NET1: variants seen among roughly 807,000 people sequenced by gnomAD.
NET1 encodes neuroepithelial cell transforming 1.
Under a neutral mutation model 61.1 loss-of-function variants are expected in NET1, and 42 were observed. The ratio of observed to expected loss-of-function variants is 0.69; its 90% CI spans 0.54 to 0.89. The LOEUF (loss-of-function observed/expected upper bound fraction) is 0.89, where lower values mean the gene tolerates loss of function less well. NET1 is among the 40% of genes least tolerant of loss of function. NET1 has a pLI of 0.00. For missense variants in NET1, 654 were observed against 747.3 expected (o/e 0.88, Z 1.46); for synonymous variants, 254 against 281.8 (o/e 0.90, Z 0.99).
rs1832448207 is a variant in NET1, at chr10:5,437,044, C to T, written c.255+7815C>T. On this transcript the variant is annotated intron_variant, in intron 3 of 11. Coordinates refer to ENST00000355029, the MANE Select transcript of NET1 (RefSeq NM_001047160.3). The surrounding 1 kb of genome is among the most constrained non-coding windows in gnomAD (Gnocchi z 4.3). The stretch of plus-strand genomic sequence containing the variant: ...TGAGAAGCCATTGAGCAATACAGAG[C>T]TACTTATCTTTAAGCTTAATCATTC... Among the ~76,000 whole-genome samples, 1 of 152,172 alleles carries T rather than the reference C, an allele frequency of 6.6e-6. No individual in the cohort carries two copies. The highest frequency in any genetic ancestry group is 6.5e-5 in the Admixed American group (1 of 15,278).
In NET1 at chr10:5,457,981, G is replaced by A. The variant is rs1832835424; in HGVS notation, c.*987G>A. ...GTTAAAAGAAAAAGAGAGGAAAAGAGAGTAGTTTTGTCTTCAAGTAAAATG... is the reference window on the plus strand; with the variant it reads ...GTTAAAAGAAAAAGAGAGGAAAAGAAAGTAGTTTTGTCTTCAAGTAAAATG... On this transcript the variant is annotated 3_prime_UTR_variant, in exon 12 of 12. Coordinates refer to ENST00000355029, the MANE Select transcript of NET1 (RefSeq NM_001047160.3). This position sits in a 1 kb window ranked among gnomAD's most constrained non-coding sequence, Gnocchi z 5.4. The A allele has an allele frequency of 6.6e-6, 1 of 152,330 alleles. No homozygotes were observed. Among genetic ancestry groups the A allele is most frequent in the Non-Finnish European group, 1.5e-5 (1 of 68,032 alleles). 9.4% of individuals were successfully genotyped at this position (152,330 alleles called of 1,614,324 possible).
rs150547650 is a variant in NET1 at position 5,448,082 on chromosome 10, A to G, written c.256-3748A>G. Among the ~76,000 whole-genome samples the G allele has an allele frequency of 1.2e-3, 180 of 152,364 alleles. 1 individual carries two copies. The highest frequency in any genetic ancestry group is 4.2e-3 in the African/African-American group (173 of 41,594). On this transcript the variant is annotated intron_variant, in intron 3 of 11. Transcript: ENST00000355029. ...ATAACTCGTTTTTATCTTTTTAAAA[A>G]TAACTTTTATTTTCTTTTGATTTTA...
intron 3 of NET1, among the ~76,000 whole-genome samples, chr10:5,442,564 TG>T (rs1269794016): frequency 6.6e-6 from 1 of 152,218 alleles, no homozygotes; most frequent in Non-Finnish European, 1.5e-5. Flanking sequence ...CTAACCAATC[TG>T]TGCCTCAGTT....
Position 5,456,029 on chromosome 10 carries a change from ATTTCAGTC to A in NET1, c.1198-57_1198-50del. 6.8e-7 allele frequency: 1 copy of A among 1,472,634 alleles called. No homozygotes were observed. Among genetic ancestry groups the A allele is most frequent in the African/African-American group, 1.4e-5 (1 of 71,318 alleles). 91.2% of individuals were successfully genotyped at this position (1,472,634 alleles called of 1,614,324 possible). ...TAATGTCGAGTTATTTTAGCAATAT[ATTTCAGTC>A]ACTTAAAAACACAAGTTTCCTATTT... On this transcript the variant is annotated intron_variant, in intron 10 of 11. Transcript: ENST00000355029. This position sits in a 1 kb window ranked among gnomAD's most constrained non-coding sequence, Gnocchi z 7.0.
rs1251912835 is a variant in NET1, at chr10:5,412,684, C to G, written c.-9C>G. On this transcript the variant is annotated 5_prime_UTR_variant, in exon 1 of 12. Coordinates refer to ENST00000355029, the MANE Select transcript of NET1 (RefSeq NM_001047160.3). This position sits in a 1 kb window ranked among gnomAD's most constrained non-coding sequence, Gnocchi z 6.5. ...CACCCGGCCACCGCCCCACCCCCTC[C>G]TCCGTGCCATGGAGCCCGAGCTGGC... The G allele has an allele frequency of 6.8e-7, 1 of 1,468,696 alleles. No individual in the cohort carries two copies. Among genetic ancestry groups the G allele is most frequent in the Non-Finnish European group, 8.9e-7 (1 of 1,120,766 alleles). 91.0% of individuals were successfully genotyped at this position (1,468,696 alleles called of 1,614,324 possible).
Position 5,436,315 on chromosome 10 carries a change from A to G in NET1, c.255+7086A>G, listed in dbSNP as rs560884787. Among the ~76,000 whole-genome samples, 9 of 132,914 alleles carry G rather than the reference A, an allele frequency of 6.8e-5. No individual in the cohort carries two copies. In the East Asian group the frequency reaches 2.0e-3, roughly 30 times the overall value. The allele number at this position is 132,914 out of a possible 152,430, so 87.2% of individuals were successfully genotyped here. On this transcript the variant is annotated intron_variant, in intron 3 of 11. Transcript: ENST00000355029. The stretch of plus-strand genomic sequence containing the variant: ...CTCTTGTTGCCCAGGCTGGAGTGCA[A>G]TGGCTCAATCTCGGTTCACTGCTCA...
rs1003750243 is a variant in NET1 at position 5,455,561 on chromosome 10, C to T, written c.1197+443C>T. Among the ~76,000 whole-genome samples, 3 of 152,086 alleles carry T rather than the reference C, an allele frequency of 2.0e-5. No individual in the cohort carries two copies. The highest frequency in any genetic ancestry group is 1.9e-4 in the East Asian group (1 of 5,186). ...TACCTGCTAGAACTAAGTGCAGTCACGGAATGGTATTTTTGTTTCATCATG... is the reference window on the plus strand; with the variant it reads ...TACCTGCTAGAACTAAGTGCAGTCATGGAATGGTATTTTTGTTTCATCATG... On this transcript the variant is annotated intron_variant, in intron 10 of 11. Transcript: ENST00000355029. The surrounding 1 kb of genome is among the most constrained non-coding windows in gnomAD (Gnocchi z 6.5).
rs901333590 is a variant in NET1 at position 5,437,321 on chromosome 10, T to G, written c.255+8092T>G. On this transcript the variant is annotated intron_variant, in intron 3 of 11. Coordinates refer to ENST00000355029, the MANE Select transcript of NET1 (RefSeq NM_001047160.3). This position sits in a 1 kb window ranked among gnomAD's most constrained non-coding sequence, Gnocchi z 4.3. Reference sequence around the variant, plus strand: ...TAGCTTGCTTTTTTTAATTTATGTTTTATTGGTACATATAAAGCAGGCTCC... The same window carrying G: ...TAGCTTGCTTTTTTTAATTTATGTTGTATTGGTACATATAAAGCAGGCTCC... Among the ~76,000 whole-genome samples, 10 of 152,198 alleles carry G rather than the reference T, an allele frequency of 6.6e-5. No homozygotes were observed. Among genetic ancestry groups the G allele is most frequent in the Admixed American group, 3.9e-4 (6 of 15,280 alleles).
rs560293037 is a variant in NET1 at position 5,441,186 on chromosome 10, C to T, written c.256-10644C>T. Among the ~76,000 whole-genome samples, 1 of 152,368 alleles carries T rather than the reference C, an allele frequency of 6.6e-6. No individual in the cohort carries two copies. Among genetic ancestry groups the T allele is most frequent in the East Asian group, 1.9e-4 (1 of 5,192 alleles). On this transcript the variant is annotated intron_variant, in intron 3 of 11. Coordinates refer to ENST00000355029, the MANE Select transcript of NET1 (RefSeq NM_001047160.3). This position sits in a 1 kb window ranked among gnomAD's most constrained non-coding sequence, Gnocchi z 4.6. The stretch of plus-strand genomic sequence containing the variant: ...ACTGAAGAGGGGAGCTTTTATCCTG[C>T]AGCTTCTGTGCTCCGTTAGTCAACA...
chr10:5,452,979 C>A lies in NET1; in HGVS notation c.594+59C>A. 8.6e-7 allele frequency: 1 copy of A among 1,163,218 alleles called. No homozygotes were observed. The highest frequency in any genetic ancestry group is 1.3e-6 in the Non-Finnish European group (1 of 776,482). The allele number at this position is 1,163,218 out of a possible 1,614,324, so 72.1% of individuals were successfully genotyped here. On this transcript the variant is annotated intron_variant, in intron 6 of 11. Coordinates refer to ENST00000355029, the MANE Select transcript of NET1 (RefSeq NM_001047160.3). This position sits in a 1 kb window ranked among gnomAD's most constrained non-coding sequence, Gnocchi z 4.0. ...TTTTAAAAATTACATTTCACAAAAT[C>A]TAAAGGATAGTTTTCTTAACCTTTA...
Position 5,429,157 on chromosome 10 carries a change from A to C in NET1, c.196-13A>C. On this transcript the variant is annotated splice_polypyrimidine_tract_variant and intron_variant, in intron 2 of 11. Transcript: ENST00000355029. The stretch of plus-strand genomic sequence containing the variant: ...CCTTTTATATGAGAATGAAATCTCT[A>C]TTTTTCTTTTAGAAAAGAAAACGCA... 1 of 1,588,496 alleles carries C rather than the reference A, an allele frequency of 6.3e-7. No individual in the cohort carries two copies. Among genetic ancestry groups the C allele is most frequent in the South Asian group, 1.1e-5 (1 of 89,136 alleles).
intron 1 of NET1, among the ~76,000 whole-genome samples, chr10:5,414,133 T>C (rs1177064272): frequency 6.6e-6 from 1 of 152,122 alleles, no homozygotes; most frequent in Admixed American, 6.5e-5. Context: ...ATATATTCTA[T>C]TTTATTACTA....
At chr10:5,414,569 G>C (rs1271345891) in intron 1 of NET1, among the ~76,000 whole-genome samples, 1 of 152,162 alleles carries the variant, frequency 6.6e-6, no homozygotes, top group Non-Finnish European at 1.5e-5. Flanking sequence ...ATGATTGTTC[G>C]AATCTGATAG....
At position 5,456,576 on chromosome 10, in the gene NET1, T is replaced by TC. The variant is rs1832802909; in HGVS notation, c.1385-12_1385-11insC. On this transcript the variant is annotated splice_polypyrimidine_tract_variant and intron_variant, in intron 11 of 11. Transcript: ENST00000355029. The surrounding 1 kb of genome is among the most constrained non-coding windows in gnomAD (Gnocchi z 7.0). ...GCCTGATTTCTTTTTTTTTTCCAAT[T>TC]TTTTTTTTCAGCTAAAAATATCTTT... The TC allele has an allele frequency of 2.0e-6, 3 of 1,515,966 alleles. No individual in the cohort carries two copies. The highest frequency in any genetic ancestry group is 2.6e-6 in the Non-Finnish European group (3 of 1,132,760). The allele number at this position is 1,515,966 out of a possible 1,614,324, so 93.9% of individuals were successfully genotyped here. A position where few individuals can be genotyped will look rare whatever the true frequency, so the allele number is the denominator to read the frequency against.
chr10:5,444,370 C>A lies in NET1; in HGVS notation c.256-7460C>A, dbSNP rs1480239703. Among the ~76,000 whole-genome samples, 1 of 152,184 alleles carries A rather than the reference C, an allele frequency of 6.6e-6. No homozygotes were observed. Among genetic ancestry groups the A allele is most frequent in the East Asian group, 1.9e-4 (1 of 5,200 alleles). On this transcript the variant is annotated intron_variant, in intron 3 of 11. Transcript: ENST00000355029. The surrounding 1 kb of genome is among the most constrained non-coding windows in gnomAD (Gnocchi z 5.3). ...CAAGAAGTAGCAACTCTCCTGCAAA[C>A]CTTAGGCAATTACTTTTTATAGATT...
At position 5,456,433 on chromosome 10, in the gene NET1, T is replaced by G. The variant is rs1588442394; in HGVS notation, c.1385-155T>G. On this transcript the variant is annotated intron_variant, in intron 11 of 11. Transcript: ENST00000355029. The surrounding 1 kb of genome is among the most constrained non-coding windows in gnomAD (Gnocchi z 7.0). Reference sequence around the variant, plus strand: ...CCTTCCCAGCTCGAACACCCGCAGGTGTATCTAAGAAATAATGCATAGGCT... The same window carrying G: ...CCTTCCCAGCTCGAACACCCGCAGGGGTATCTAAGAAATAATGCATAGGCT... The G allele has an allele frequency of 9.9e-7, 1 of 1,007,198 alleles. No homozygotes were observed. The highest frequency in any genetic ancestry group is 1.4e-6 in the Non-Finnish European group (1 of 703,728). The allele number at this position is 1,007,198 out of a possible 1,614,324, so 62.4% of individuals were successfully genotyped here.
In NET1 at chr10:5,443,252, C is replaced by A. The variant is rs185556883; in HGVS notation, c.256-8578C>A. Among the ~76,000 whole-genome samples the A allele has an allele frequency of 1.9e-3, 296 of 152,270 alleles. 2 individuals carry two copies. Among genetic ancestry groups the A allele is most frequent in the African/African-American group, 7.0e-3 (289 of 41,542 alleles). On this transcript the variant is annotated intron_variant, in intron 3 of 11. Coordinates refer to ENST00000355029, the MANE Select transcript of NET1 (RefSeq NM_001047160.3). This position sits in a 1 kb window ranked among gnomAD's most constrained non-coding sequence, Gnocchi z 4.8. ...TGTTAAGCCACTGATTAACAAGGTA[C>A]CTTTGGACAAGTTTCTTAAACTTGG...
intron 3 of NET1, among the ~76,000 whole-genome samples, chr10:5,438,658 T>G (rs1832475702): frequency 1.3e-5 from 2 of 152,182 alleles, no homozygotes; most frequent in Non-Finnish European, 2.9e-5. Context: ...CTACCAAACA[T>G]TTAGAAAAGA....
chr10:5,449,583 A>G lies in NET1; in HGVS notation c.256-2247A>G, dbSNP rs1832671906. The stretch of plus-strand genomic sequence containing the variant: ...CAACAAAACCCGTGTTCGTTTCAGA[A>G]GTATGCTTTAGATATATTTACATTC... On this transcript the variant is annotated intron_variant, in intron 3 of 11. Coordinates refer to ENST00000355029, the MANE Select transcript of NET1 (RefSeq NM_001047160.3). The surrounding 1 kb of genome is among the most constrained non-coding windows in gnomAD (Gnocchi z 4.4). Among the ~76,000 whole-genome samples the G allele has an allele frequency of 2.0e-5, 3 of 152,244 alleles. No homozygotes were observed. The South Asian group carries it at 6.2e-4, about 32-fold the overall frequency.
Sources: gnomAD v4.1 joint callset for allele counts (sites outside exome capture counted in the v4.1 genomes callset) on GRCh38, gnomAD v4.1.1 for gene constraint, Gnocchi (gnomAD v3.1) non-coding constraint, MANE v1.5 for transcripts, NCBI Gene and HGNC (gene_info 2026-07-23, HGNC 2026-07-21) for gene names.